Variants in TMEM132B observed in about 807,000 individuals in gnomAD.
TMEM132B encodes the protein transmembrane protein 132B.
Under a neutral mutation model 90.8 loss-of-function variants are expected in TMEM132B, and 18 were observed. That is an observed-to-expected ratio of 0.20 (90% confidence interval 0.14 to 0.29). TMEM132B has a LOEUF of 0.29. TMEM132B is among the 10% of genes least tolerant of loss of function. The pLI is 1.00. For missense variants in TMEM132B, 1,096 were observed against 1,326.8 expected (o/e 0.83, Z 2.70); for synonymous variants, 504 against 523.3 (o/e 0.96, Z 0.50).
intron 1 of TMEM132B, among the ~76,000 whole-genome samples, chr12:125,325,668 C>CGT (rs1876540681): frequency 0.012 from 1,623 of 139,438 alleles, 44 homozygotes; most frequent in African/African-American, 0.039. Context: ...TGCCTCCCAC[C>CGT]CTGTGTGTGT....
intron 2 of TMEM132B, among the ~76,000 whole-genome samples, chr12:125,395,588 G>A (rs1403892119): frequency 6.6e-6 from 1 of 152,170 alleles, no homozygotes; most frequent in Non-Finnish European, 1.5e-5. Flanking sequence ...AGTTATGTGT[G>A]TATCTTCTGT....
chr12:125,288,308 C>A (rs1355589562), intron 1 of TMEM132B, among the ~76,000 whole-genome samples: 1 of 151,490 alleles, frequency 6.6e-6, no homozygotes, highest in Non-Finnish European at 1.5e-5. Flanking sequence ...ACTAAAAATA[C>A]AAAAATTAGC....
chr12:125,225,921 A>G (rs1873672437), intron 1 of TMEM132B, among the ~76,000 whole-genome samples: 1 of 152,124 alleles, frequency 6.6e-6, no homozygotes, highest in Non-Finnish European at 1.5e-5. Context: ...TGGTCAAATC[A>G]CCATCCTAGG....
At chr12:125,570,537 G>C (rs1884766354) in intron 4 of TMEM132B, among the ~76,000 whole-genome samples, 1 of 152,190 alleles carries the variant, frequency 6.6e-6, no homozygotes, top group Admixed American at 6.5e-5. Flanking sequence ...CTGTCTCTGA[G>C]TGCTATCCTA....
At chr12:125,268,528 A>T (rs879940) in intron 1 of TMEM132B, among the ~76,000 whole-genome samples, 8,583 of 152,350 alleles carry the variant, frequency 0.056, 312 homozygotes, top group East Asian at 0.097. Context: ...CCATCTCCAT[A>T]AAAGATTGCT....
intron 4 of TMEM132B, among the ~76,000 whole-genome samples, chr12:125,575,057 C>CATATATATATATATATATATATATATATT: frequency 2.3e-5 from 1 of 43,894 alleles, no homozygotes; most frequent in Admixed American, 3.1e-4. Context: ...TATTAGCTGT[C>CATATATATATATATATATATATATATATT]ATATATATAT....
chr12:125,229,271 C>CT (rs1873760263), intron 1 of TMEM132B, among the ~76,000 whole-genome samples: 2 of 152,280 alleles, frequency 1.3e-5, no homozygotes, highest in Admixed American at 1.3e-4. Context: ...CTGGGGAATT[C>CT]TTTAATATTT....
chr12:125,261,712 G>C (rs892953880), intron 1 of TMEM132B, among the ~76,000 whole-genome samples: 1 of 152,188 alleles, frequency 6.6e-6, no homozygotes, highest in Admixed American at 6.5e-5. Flanking sequence ...GTGTATGGAG[G>C]CTGAATGGAA....
intron 4 of TMEM132B, among the ~76,000 whole-genome samples, chr12:125,541,036 C>T (rs927750122): frequency 6.6e-6 from 1 of 152,230 alleles, no homozygotes; most frequent in Non-Finnish European, 1.5e-5. Context: ...GCCTTCTCTT[C>T]CTCCAGATGT....
At chr12:125,347,647 A>T (rs1003406703) in intron 1 of TMEM132B, among the ~76,000 whole-genome samples, 41 of 152,310 alleles carry the variant, frequency 2.7e-4, no homozygotes, top group African/African-American at 9.6e-4. Context: ...CTGCATTTTA[A>T]GCGCCACGGT....
intron 5 of TMEM132B, among the ~76,000 whole-genome samples, chr12:125,632,309 A>G (rs1886384697): frequency 1.3e-5 from 2 of 151,796 alleles, no homozygotes; most frequent in Non-Finnish European, 2.9e-5. Flanking sequence ...CCACTTTTAA[A>G]CTTTTTGTTG....
chr12:125,322,458 C>T (rs749305951), intron 1 of TMEM132B, among the ~76,000 whole-genome samples: 14 of 152,202 alleles, frequency 9.2e-5, no homozygotes, highest in Non-Finnish European at 1.8e-4. Flanking sequence ...ATGTGAATAT[C>T]TAGAACATTC....
At chr12:125,293,668 T>C (rs551209182) in intron 1 of TMEM132B, among the ~76,000 whole-genome samples, 2 of 152,370 alleles carry the variant, frequency 1.3e-5, no homozygotes, top group South Asian at 4.1e-4. Flanking sequence ...ATGGTGTATA[T>C]GCGTCATGTT....
chr12:125,437,785 G>A lies in TMEM132B; in HGVS notation c.1106+22108G>A, dbSNP rs542849262. On this transcript the variant is annotated intron_variant, in intron 3 of 8. Coordinates refer to ENST00000682704, the MANE Select transcript of TMEM132B (RefSeq NM_001366854.1). ...CCAGAATAAGCAAATCTATAGAGACGGACAGCAGAGTGCCAGGAGCAGGGC... is the reference window on the plus strand; with the variant it reads ...CCAGAATAAGCAAATCTATAGAGACAGACAGCAGAGTGCCAGGAGCAGGGC... Among the ~76,000 whole-genome samples the A allele has an allele frequency of 9.9e-5, 15 of 152,246 alleles. No homozygotes were observed. The South Asian group carries it at 2.9e-3, about 30-fold the overall frequency.
intron 3 of TMEM132B, among the ~76,000 whole-genome samples, chr12:125,505,180 A>AAC (rs1555254105): frequency 7.0e-6 from 1 of 143,124 alleles, no homozygotes; most frequent in Non-Finnish European, 1.5e-5. Flanking sequence ...AAAAAAAAAA[A>AAC]AAAAAAAAAA....
intron 4 of TMEM132B, among the ~76,000 whole-genome samples, chr12:125,525,371 A>G (rs1020480911): frequency 6.6e-6 from 1 of 152,204 alleles, no homozygotes; most frequent in Non-Finnish European, 1.5e-5. Context: ...GTGATTAGCC[A>G]TGAGGGCTCT....
rs1000643287 is a variant in TMEM132B at position 125,287,275 on chromosome 12, A to G, written c.68-62177A>G. On this transcript the variant is annotated intron_variant, in intron 1 of 8. Transcript: ENST00000682704. ...ATGACATCATGCCCACCTGGACACT[A>G]CAGGATCATCTCCCATCTCAAGATC... 2.6e-5 allele frequency among the ~76,000 whole-genome samples: 4 copies of G among 152,232 alleles called. No individual in the cohort carries two copies. The East Asian group carries it at 7.7e-4, about 29-fold the overall frequency.
intron 3 of TMEM132B, among the ~76,000 whole-genome samples, chr12:125,496,864 C>T (rs533353420): frequency 3.9e-5 from 6 of 152,302 alleles, no homozygotes; most frequent in Admixed American, 2.6e-4. Flanking sequence ...AGGCTGTGAA[C>T]GGTATCATTG....
rs553744013 is a variant in TMEM132B at position 125,492,527 on chromosome 12, C to T, written c.1107-26912C>T. Among the ~76,000 whole-genome samples the T allele has an allele frequency of 6.6e-6, 1 of 152,164 alleles. No homozygotes were observed. The highest frequency in any genetic ancestry group is 2.1e-4 in the South Asian group (1 of 4,832). ...TTCCCTACCGGCCTCCCCTGGTGTT[C>T]CCAGCCAGCTTCCTGCACAGGGCGG... On this transcript the variant is annotated intron_variant, in intron 3 of 8. Transcript: ENST00000682704. This position sits in a 1 kb window ranked among gnomAD's most constrained non-coding sequence, Gnocchi z 5.8.
Sources: gnomAD v4.1 joint callset for allele counts (sites outside exome capture counted in the v4.1 genomes callset) on GRCh38, gnomAD v4.1.1 for gene constraint, Gnocchi (gnomAD v3.1) non-coding constraint, MANE v1.5 for transcripts, NCBI Gene and HGNC (gene_info 2026-07-23, HGNC 2026-07-21) for gene names.